LIMS1: variants seen among roughly 807,000 people sequenced by gnomAD.
LIMS1 encodes the protein LIM and senescent cell antigen-like-containing domain protein 1.
In LIMS1, 18 loss-of-function variants were observed where a neutral mutation model predicts 44.1. The observed-to-expected ratio is 0.41, with a 90% CI of 0.28 to 0.61. The LOEUF is 0.61. Among genes scored for constraint, LIMS1 ranks in the 20% least tolerant of loss-of-function variants. The pLI, the probability that LIMS1 is intolerant of heterozygous loss-of-function variation, is 0.32. For synonymous variants in LIMS1, 93 were observed against 149.1 expected (o/e 0.62, Z 2.74); for missense variants, 201 against 422.0 (o/e 0.48, Z 4.59).
chr2:108,662,101 C>T (rs1442919204), intron 2 of LIMS1: 7 of 1,572,342 alleles, frequency 4.5e-6, no homozygotes, highest in Non-Finnish European at 6.1e-6. Flanking sequence ...GAGAAGAACT[C>T]AGAGAAAAAG....
At chr2:108,596,386 A>G (rs1307329241) in intron 1 of LIMS1, among the ~76,000 whole-genome samples, 1 of 152,212 alleles carries the variant, frequency 6.6e-6, no homozygotes, top group African/African-American at 2.4e-5. Flanking sequence ...GGTGTTATAT[A>G]TGATAACATT....
At position 108,672,019 on chromosome 2, in the gene LIMS1, T is replaced by C. The variant is rs183307449; in HGVS notation, c.260-306T>C. On this transcript the variant is annotated intron_variant, in intron 3 of 9. Coordinates refer to ENST00000544547, the Ensembl canonical transcript of LIMS1. ...CCCCGTCTCTACTGAAAATACAAAA[T>C]AGCCGGGCGTGGTGGCAGGAGCCTG... Among the ~76,000 whole-genome samples the C allele has an allele frequency of 5.3e-5, 8 of 152,010 alleles. No homozygotes were observed. In the East Asian group the frequency reaches 1.2e-3, roughly 22 times the overall value.
intron 1 of LIMS1, among the ~76,000 whole-genome samples, chr2:108,592,971 A>T (rs1257859334): frequency 6.6e-5 from 10 of 152,190 alleles, no homozygotes; most frequent in Admixed American, 6.5e-4. Context: ...GGATATTGTG[A>T]ATAATGCTGC....
intron 1 of LIMS1, among the ~76,000 whole-genome samples, chr2:108,633,758 T>C (rs1411198045): frequency 2.6e-5 from 4 of 152,264 alleles, no homozygotes; most frequent in African/African-American, 9.6e-5. Flanking sequence ...CAGTGCTGTT[T>C]ATAAAAGGAT....
chr2:108,569,473 T>C (rs992419811), intron 1 of LIMS1, among the ~76,000 whole-genome samples: 3 of 152,168 alleles, frequency 2.0e-5, no homozygotes, highest in South Asian at 4.1e-4. Flanking sequence ...TGGGGACTTA[T>C]GTTTAGGTTT....
intron 2 of LIMS1, among the ~76,000 whole-genome samples, chr2:108,667,600 C>G (rs1691868398): frequency 7.2e-6 from 1 of 139,826 alleles, no homozygotes; most frequent in African/African-American, 2.7e-5. Context: ...TGTTTTTATG[C>G]AATATACATC....
chr2:108,593,108 AT>A (rs1376338742), intron 1 of LIMS1, among the ~76,000 whole-genome samples: 2 of 152,130 alleles, frequency 1.3e-5, no homozygotes, highest in African/African-American at 4.8e-5. Context: ...ACTTCCAATC[AT>A]TCTCTGCTTT....
At chr2:108,552,214 AATAC>A (rs1366303996) in intron 1 of LIMS1, among the ~76,000 whole-genome samples, 1 of 144,260 alleles carries the variant, frequency 6.9e-6, no homozygotes, top group Non-Finnish European at 1.5e-5. Context: ...TACAATATAT[AATAC>A]ATAATACATT....
chr2:108,601,592 T>A (rs1280644629), intron 1 of LIMS1, among the ~76,000 whole-genome samples: 1 of 152,266 alleles, frequency 6.6e-6, no homozygotes, highest in East Asian at 1.9e-4. Flanking sequence ...TCACTCAACC[T>A]GTTTCAGGAC....
At chr2:108,657,608 G>T (rs1419353920) in intron 1 of LIMS1, among the ~76,000 whole-genome samples, 4 of 152,290 alleles carry the variant, frequency 2.6e-5, no homozygotes, top group African/African-American at 4.8e-5. Context: ...GCTGGGCGAT[G>T]ATGAGAATTT....
chr2:108,675,781 A>C lies in LIMS1; in HGVS notation c.531-97A>C, dbSNP rs1047252368. 6 of 1,448,728 alleles carry C rather than the reference A, an allele frequency of 4.1e-6. No individual in the cohort carries two copies. In the Admixed American group the frequency reaches 5.1e-5, roughly 12 times the overall value. The allele number at this position is 1,448,728 out of a possible 1,614,324, so 89.7% of individuals were successfully genotyped here. A position where few individuals can be genotyped will look rare whatever the true frequency, so the allele number is the denominator to read the frequency against. ...AAAAGAAATTTGCAGGGATTGTCAT[A>C]GTAATGTCTTTAAAAACCTTCTAAA... On this transcript the variant is annotated intron_variant, in intron 5 of 9. Transcript: ENST00000544547.
At chr2:108,619,475 G>A (rs1688120672) in intron 1 of LIMS1, among the ~76,000 whole-genome samples, 1 of 152,004 alleles carries the variant, frequency 6.6e-6, no homozygotes, top group African/African-American at 2.4e-5. Context: ...CTTGAGGCTT[G>A]GAGTTCGAGA....
At chr2:108,624,331 T>A (rs746536570) in intron 1 of LIMS1, among the ~76,000 whole-genome samples, 2 of 152,254 alleles carry the variant, frequency 1.3e-5, no homozygotes, top group African/African-American at 2.4e-5. Flanking sequence ...CAAACACACC[T>A]GAGAAATTCC....
At chr2:108,564,150 A>G (rs1162648693) in intron 1 of LIMS1, among the ~76,000 whole-genome samples, 1 of 152,114 alleles carries the variant, frequency 6.6e-6, no homozygotes, top group African/African-American at 2.4e-5. Flanking sequence ...CATCCTGATC[A>G]GTCAGCAGTT....
At chr2:108,620,385 G>A (rs1438518666) in intron 1 of LIMS1, among the ~76,000 whole-genome samples, 2 of 152,166 alleles carry the variant, frequency 1.3e-5, no homozygotes, top group African/African-American at 2.4e-5. Context: ...CTTGCTGGGA[G>A]GTAGCCTGTA....
intron 1 of LIMS1, chr2:108,607,011 C>G (rs1476599660): frequency 3.5e-6 from 2 of 574,846 alleles, no homozygotes; most frequent in Non-Finnish European, 6.2e-6. Flanking sequence ...CCCCAAAATT[C>G]ATATGTTGAA....
At chr2:108,537,097 G>A (rs1241999540) in intron 1 of LIMS1, among the ~76,000 whole-genome samples, 5 of 152,132 alleles carry the variant, frequency 3.3e-5, no homozygotes, top group African/African-American at 1.2e-4. Context: ...CAGTACCACG[G>A]CCCTCTTTAG....
intron 1 of LIMS1, chr2:108,607,195 G>A: frequency 6.4e-7 from 1 of 1,550,696 alleles, no homozygotes; most frequent in Non-Finnish European, 8.7e-7. Flanking sequence ...CTATGAGCAT[G>A]GAGAGCTTAG....
At chr2:108,550,815 C>CAA (rs1281323378) in intron 1 of LIMS1, among the ~76,000 whole-genome samples, 8 of 120,996 alleles carry the variant, frequency 6.6e-5, no homozygotes, top group Non-Finnish European at 1.2e-4. Flanking sequence ...GACTCCGTCT[C>CAA]AAAAAAAAAA....
Sources: allele counts gnomAD v4.1 joint callset (sites outside exome capture counted in the v4.1 genomes callset), GRCh38; gene constraint gnomAD v4.1.1; transcripts MANE v1.5; gene names NCBI Gene and HGNC (gene_info 2026-07-23, HGNC 2026-07-21).